Variants in ARHGAP21 observed in about 807,000 individuals in gnomAD.
The protein encoded by ARHGAP21 is Rho GTPase activating protein 21.
A neutral mutation model predicts 164.6 loss-of-function variants in ARHGAP21; 38 were observed. That is an observed-to-expected ratio of 0.23 (90% CI 0.18 to 0.30). The LOEUF is 0.30. Ranked by LOEUF, ARHGAP21 falls within the 10% of genes least tolerant of loss-of-function variation. ARHGAP21 has a pLI of 1.00. For missense variants in ARHGAP21, 1,822 were observed against 2,370.7 expected, an observed-to-expected ratio of 0.77 and a Z score of 4.81; for synonymous variants, 766 against 857.9, an observed-to-expected ratio of 0.89 and a Z score of 1.87.
intron 2 of ARHGAP21, among the ~76,000 whole-genome samples, chr10:24,715,549 G>T (rs182369744): frequency 6.6e-6 from 1 of 152,110 alleles, no homozygotes; most frequent in African/African-American, 2.4e-5. Context: ...ACATTGTCTT[G>T]GTTACTGTTA....
intron 2 of ARHGAP21, among the ~76,000 whole-genome samples, chr10:24,682,862 G>A (rs186206756): frequency 2.4e-4 from 36 of 151,978 alleles, no homozygotes; most frequent in Admixed American, 1.9e-3. Context: ...CTTTGAGGCC[G>A]AGGCAGGCGG....
chr10:24,650,165 C>T (rs1305664600), intron 4 of ARHGAP21, among the ~76,000 whole-genome samples: 3 of 152,026 alleles, frequency 2.0e-5, no homozygotes, highest in Non-Finnish European at 4.4e-5. Context: ...AAGGGCAGAA[C>T]ACAGATATTT....
chr10:24,675,131 G>C (rs1360508964), intron 2 of ARHGAP21, among the ~76,000 whole-genome samples: 1 of 152,180 alleles, frequency 6.6e-6, no homozygotes, highest in East Asian at 1.9e-4. Context: ...AATGTGCATA[G>C]CAACTTTATT....
chr10:24,722,038 T>C lies in ARHGAP21; in HGVS notation c.-139A>G. 2 of 869,228 alleles carry C rather than the reference T, an allele frequency of 2.3e-6. No homozygotes were observed. Among genetic ancestry groups the C allele is most frequent in the Non-Finnish European group, 3.7e-6 (2 of 534,096 alleles). 53.8% of individuals were successfully genotyped at this position (869,228 alleles called of 1,614,324 possible). On this transcript the variant is annotated 5_prime_UTR_variant, in exon 2 of 26. Coordinates refer to ENST00000396432, the MANE Select transcript of ARHGAP21 (RefSeq NM_020824.4). ...GGCAGGGCTGTTGAAACAGACAACGTGCCAGGGAATAAAGGTTTTCAGGAA... is the reference window on the plus strand; with the variant it reads ...GGCAGGGCTGTTGAAACAGACAACGCGCCAGGGAATAAAGGTTTTCAGGAA...
intron 24 of ARHGAP21, 47 bp from the exon 25 acceptor site, chr10:24,589,349 T>C (rs1201115809): frequency 6.5e-7 from 1 of 1,530,962 alleles, no homozygotes; most frequent in South Asian, 1.2e-5. Flanking sequence ...CAATCTTTAC[T>C]GCTTTCCACA....
At chr10:24,685,255 T>C (rs1194713487) in intron 2 of ARHGAP21, among the ~76,000 whole-genome samples, 1 of 152,212 alleles carries the variant, frequency 6.6e-6, no homozygotes, top group Non-Finnish European at 1.5e-5. Flanking sequence ...AATAATTTGC[T>C]GAATACATAT....
chr10:24,721,296 T>C (rs945122993), intron 2 of ARHGAP21, among the ~76,000 whole-genome samples: 5 of 152,172 alleles, frequency 3.3e-5, no homozygotes, highest in African/African-American at 1.2e-4. Context: ...TCCAAGGCTG[T>C]GCTTAAACTA....
chr10:24,676,880 T>C (rs1444513432), intron 2 of ARHGAP21, among the ~76,000 whole-genome samples: 2 of 152,144 alleles, frequency 1.3e-5, no homozygotes, highest in South Asian at 2.1e-4. Context: ...GAAATGTGTA[T>C]GAAGAGCAGA....
At position 24,620,540 on chromosome 10, in the gene ARHGAP21, T is replaced by G; in HGVS notation, c.1355A>C (p.Gln452Pro). 1.2e-6 allele frequency: 2 copies of G among 1,613,698 alleles called. No individual in the cohort carries two copies. Among genetic ancestry groups the G allele is most frequent in the South Asian group, 2.2e-5 (2 of 91,016 alleles). The change falls in exon 9 of 26, where the codon CAG becomes CCG. Residue 452 changes from glutamine (Q) to proline (P), a missense_variant. By Grantham distance (76) the Gln-to-Pro change is moderately conservative (BLOSUM62 -1). Around this residue, in one of 5 missense-constraint regions of ARHGAP21, gnomAD observed 1,090 missense variants for 1,378.9 expected, o/e 0.79. Coordinates refer to ENST00000396432, the MANE Select transcript of ARHGAP21 (RefSeq NM_020824.4). ...TSHDRVPQSV[Q>P]IRQRSVSQER... ...TTGGGACACACTGCGTTGCCGTATCTGGACAGACTGGGGCACTCGATCATG... is the reference window on the plus strand; with the variant it reads ...TTGGGACACACTGCGTTGCCGTATCGGGACAGACTGGGGCACTCGATCATG...
At position 24,585,227 on chromosome 10, in the gene ARHGAP21, G is replaced by C. The variant is rs772625929; in HGVS notation, c.5062C>G (p.Arg1688Gly). 1.2e-6 allele frequency: 2 copies of C among 1,604,648 alleles called. No homozygotes were observed. Among genetic ancestry groups the C allele is most frequent in the South Asian group, 2.2e-5 (2 of 90,958 alleles). ...TTATGGGAACTGAAGAGCTGTCTCC[G>C]GCTATCTAAACTTGATGTTAAACTT... ...EGSLTSSLDS[R>G]RQLFSSHKLI... The change falls in exon 26 of 26, where the codon CGG (arginine) becomes GGG (glycine). Residue 1688 changes from arginine to glycine, a missense_variant. Transcript: ENST00000396432.
chr10:24,629,250 G>T (rs989358604), intron 7 of ARHGAP21: 3 of 150,992 alleles, frequency 2.0e-5, no homozygotes, highest in African/African-American at 4.9e-5. Flanking sequence ...TGATCCGCCC[G>T]CCTCGGCCTC....
chr10:24,699,151 T>C (rs771421316), intron 2 of ARHGAP21, among the ~76,000 whole-genome samples: 1 of 152,126 alleles, frequency 6.6e-6, no homozygotes, highest in Non-Finnish European at 1.5e-5. Context: ...CATCTTTTCG[T>C]CCCCTTTCTG....
At position 24,595,812 on chromosome 10, in the gene ARHGAP21, G is replaced by A. The variant is rs1290293163; in HGVS notation, c.3634-17C>T. 2.5e-6 allele frequency: 4 copies of A among 1,611,850 alleles called. No individual in the cohort carries two copies. The highest frequency in any genetic ancestry group is 3.4e-6 in the Non-Finnish European group (4 of 1,179,242). On this transcript the variant is annotated splice_polypyrimidine_tract_variant and intron_variant, in intron 18 of 25. Transcript: ENST00000396432. Reference sequence around the variant, plus strand: ...TCGCCATTTCTAGGTGTACAAAATAGAAATATAGTATTTTCATATCCAGTT... The same window carrying A: ...TCGCCATTTCTAGGTGTACAAAATAAAAATATAGTATTTTCATATCCAGTT...
chr10:24,609,305 C>G (rs1593007800), intron 9 of ARHGAP21, among the ~76,000 whole-genome samples: 1 of 152,174 alleles, frequency 6.6e-6, no homozygotes, highest in East Asian at 1.9e-4. Context: ...CCCTGGATTT[C>G]CTGATGGTAT....
At chr10:24,636,528 G>C (rs1836403198) in intron 4 of ARHGAP21, among the ~76,000 whole-genome samples, 1 of 152,184 alleles carries the variant, frequency 6.6e-6, no homozygotes, top group South Asian at 2.1e-4. Flanking sequence ...GATACTACTT[G>C]TTAAACAGCA....
chr10:24,682,367 T>C (rs1455035076), intron 2 of ARHGAP21, among the ~76,000 whole-genome samples: 1 of 152,234 alleles, frequency 6.6e-6, no homozygotes, highest in Non-Finnish European at 1.5e-5. Context: ...AGCTAGCCCA[T>C]GCTTTTCTCT....
intron 2 of ARHGAP21, among the ~76,000 whole-genome samples, chr10:24,713,971 T>C (rs1048883074): frequency 1.3e-5 from 2 of 152,220 alleles, no homozygotes; most frequent in Non-Finnish European, 2.9e-5. Flanking sequence ...TTTAGATATC[T>C]TTCTACTTCA....
At chr10:24,662,533 T>G (rs1472664056) in intron 4 of ARHGAP21, among the ~76,000 whole-genome samples, 1 of 152,200 alleles carries the variant, frequency 6.6e-6, no homozygotes, top group Non-Finnish European at 1.5e-5. Context: ...TGAAATAGAT[T>G]AAGTTCTCAG....
chr10:24,687,397 A>G (rs1182243373), intron 2 of ARHGAP21, among the ~76,000 whole-genome samples: 1 of 152,246 alleles, frequency 6.6e-6, no homozygotes, highest in Non-Finnish European at 1.5e-5. Flanking sequence ...TACATAAAAC[A>G]AAGATAATAG....
Sources: allele counts gnomAD v4.1 joint callset (sites outside exome capture counted in the v4.1 genomes callset), GRCh38; gene constraint gnomAD v4.1.1; regional missense constraint gnomAD v4.1.1; transcripts MANE v1.5; gene names NCBI Gene and HGNC (gene_info 2026-07-23, HGNC 2026-07-21).